Variants in DNAJC11 observed in about 807,000 individuals in gnomAD.
DNAJC11 encodes dnaJ homolog subfamily C member 11.
DNAJC11 carries 15 observed loss-of-function variants against 78.6 expected under a neutral mutation model. The ratio of observed to expected loss-of-function variants is 0.19; its 90% CI spans 0.13 to 0.29. The LOEUF (loss-of-function observed/expected upper bound fraction) is 0.29, where lower values mean the gene tolerates loss of function less well. DNAJC11 is among the 10% of genes least tolerant of loss of function. DNAJC11 has a pLI of 1.00. For synonymous variants in DNAJC11, 292 were observed against 272.1 expected, an observed-to-expected ratio of 1.07 and a Z score of -0.72; for missense variants, 547 against 709.6, an observed-to-expected ratio of 0.77 and a Z score of 2.60.
At chr1:6,690,345 A>AT (rs1436551575) in intron 1 of DNAJC11, among the ~76,000 whole-genome samples, 2 of 152,218 alleles carry the variant, frequency 1.3e-5, no homozygotes, top group African/African-American at 4.8e-5. Context: ...TATGTCAAGC[A>AT]TTTCCATGCA....
At chr1:6,690,194 C>T (rs1334754393) in intron 1 of DNAJC11, among the ~76,000 whole-genome samples, 5 of 151,976 alleles carry the variant, frequency 3.3e-5, no homozygotes, top group South Asian at 4.2e-4. Flanking sequence ...AAGGAAGAGG[C>T]GTTTACAATA....
rs1193361709 is a variant in DNAJC11 at position 6,637,573 on chromosome 1, C to T, written c.1324-69G>A. On this transcript the variant is annotated intron_variant, in intron 12 of 15. Transcript: ENST00000377577. ...TGTTCCACCTCTGGTGAGAGGGCCACAGGCAGGCAGTCTTGTCCACGTCAA... is the reference window on the plus strand; with the variant it reads ...TGTTCCACCTCTGGTGAGAGGGCCATAGGCAGGCAGTCTTGTCCACGTCAA... 3.8e-6 allele frequency: 6 copies of T among 1,560,324 alleles called. No individual in the cohort carries two copies. In the East Asian group the frequency reaches 1.3e-4, roughly 35 times the overall value.
At chr1:6,643,461 G>C (rs1194232476) in intron 10 of DNAJC11, among the ~76,000 whole-genome samples, 1 of 151,958 alleles carries the variant, frequency 6.6e-6, no homozygotes, top group African/African-American at 2.4e-5. Flanking sequence ...ATTTTTAGTA[G>C]AGACGGGGTT....
At chr1:6,679,958 A>G (rs1642528485) in intron 2 of DNAJC11, among the ~76,000 whole-genome samples, 1 of 152,244 alleles carries the variant, frequency 6.6e-6, no homozygotes, top group Non-Finnish European at 1.5e-5. Context: ...CCGACTGTAC[A>G]CATTTATCAC....
chr1:6,691,141 T>G lies in DNAJC11; in HGVS notation c.73-10104A>C, dbSNP rs1442714805. 5.4e-5 allele frequency among the ~76,000 whole-genome samples: 8 copies of G among 148,794 alleles called. No individual in the cohort carries two copies. In the South Asian group the frequency reaches 1.3e-3, roughly 24 times the overall value. Reference sequence around the variant, plus strand: ...AATACCTCCAAGATGGCAATATAAATTTGAAAAAAAGATTACACAATTAGT... The same window carrying G: ...AATACCTCCAAGATGGCAATATAAAGTTGAAAAAAAGATTACACAATTAGT... On this transcript the variant is annotated intron_variant, in intron 1 of 15. Transcript: ENST00000377577.
chr1:6,659,885 G>A (rs1159592558), intron 4 of DNAJC11, among the ~76,000 whole-genome samples: 1 of 151,750 alleles, frequency 6.6e-6, no homozygotes, highest in Non-Finnish European at 1.5e-5. Context: ...GTGAAACCCC[G>A]CCTCTACTAA....
intron 10 of DNAJC11, among the ~76,000 whole-genome samples, chr1:6,642,451 T>C (rs1641892472): frequency 6.6e-6 from 1 of 151,964 alleles, no homozygotes; most frequent in African/African-American, 2.4e-5. Flanking sequence ...GATTTTGAGA[T>C]ATGTATGATT....
intron 1 of DNAJC11, among the ~76,000 whole-genome samples, chr1:6,698,465 G>A (rs1480614155): frequency 6.6e-6 from 1 of 152,036 alleles, no homozygotes; most frequent in Non-Finnish European, 1.5e-5. Flanking sequence ...GGAATCCCGG[G>A]ATGGAAAACC....
intron 3 of DNAJC11, 113 bp downstream of exon 3, chr1:6,678,281 C>T: frequency 8.7e-7 from 1 of 1,145,346 alleles, no homozygotes; most frequent in Non-Finnish European, 1.3e-6. Flanking sequence ...GAAGGGGGCT[C>T]TAATGGTTTC....
chr1:6,691,522 G>GT (rs1642745905), intron 1 of DNAJC11, among the ~76,000 whole-genome samples: 1 of 152,182 alleles, frequency 6.6e-6, no homozygotes, highest in South Asian at 2.1e-4. Flanking sequence ...TATCTTCACA[G>GT]TAAGAAATCG....
Position 6,654,007 on chromosome 1 carries a change from GTCGGTGGCATCTACTCCAACGCTGA to G in DNAJC11, c.386_410del (p.Ile129ThrfsTer36), listed in dbSNP as rs759681068. ...ACTCCTCATCATAGCGATCAAAAAGGTCGGTGGCATCTACTCCAACGCTGATCGTTCCCTGGGGCAGAAAAACAAG... is the reference window on the plus strand; with the variant it reads ...ACTCCTCATCATAGCGATCAAAAAGGTCGTTCCCTGGGGCAGAAAAACAAG... On this transcript the variant is annotated frameshift_variant, in exon 5 of 16. Transcript: ENST00000377577. LOFTEE classifies it high-confidence loss of function. 1 of 1,613,524 alleles carries G rather than the reference GTCGGTGGCATCTACTCCAACGCTGA, an allele frequency of 6.2e-7. No individual in the cohort carries two copies. Among genetic ancestry groups the G allele is most frequent in the Non-Finnish European group, 8.5e-7 (1 of 1,179,554 alleles).
chr1:6,673,786 GCT>G, intron 3 of DNAJC11, among the ~76,000 whole-genome samples: 1 of 152,154 alleles, frequency 6.6e-6, no homozygotes, highest in East Asian at 1.9e-4. Flanking sequence ...AGTCTTCTCT[GCT>G]CTGTGACAGT....
At chr1:6,700,453 G>C (rs1642907749) in intron 1 of DNAJC11, among the ~76,000 whole-genome samples, 1 of 152,186 alleles carries the variant, frequency 6.6e-6, no homozygotes, top group Non-Finnish European at 1.5e-5. Context: ...TGTAGTCCAA[G>C]GACTGGTAAG....
intron 3 of DNAJC11, among the ~76,000 whole-genome samples, chr1:6,676,390 T>C (rs1642462497): frequency 6.6e-6 from 1 of 152,072 alleles, no homozygotes; most frequent in Non-Finnish European, 1.5e-5. Context: ...AATCAAAAAA[T>C]GGCAACAGGC....
chr1:6,637,688 G>A, intron 12 of DNAJC11, 184 bp from the exon 13 acceptor site: 3 of 658,108 alleles, frequency 4.6e-6, no homozygotes, highest in Non-Finnish European at 7.9e-6. Flanking sequence ...CTAGACCTAG[G>A]GCAGGCAGCT....
chr1:6,691,807 G>A (rs1642750355), intron 1 of DNAJC11, among the ~76,000 whole-genome samples: 1 of 152,340 alleles, frequency 6.6e-6, no homozygotes, highest in South Asian at 2.1e-4. Flanking sequence ...TCCTTCCAGG[G>A]ACTGCAATCT....
Position 6,644,934 on chromosome 1 carries a change from C to T in DNAJC11, c.980+107G>A, listed in dbSNP as rs980221513. ...TAGGAAGCTCTCCAAAAATGTCACA[C>T]ACACGTAGATATTCACACGAGCAAG... is the stretch of plus-strand genomic sequence containing the variant. On this transcript the variant is annotated intron_variant, in intron 9 of 15. Transcript: ENST00000377577. 5.5e-6 allele frequency: 6 copies of T among 1,091,292 alleles called. No individual in the cohort carries two copies. The Admixed American group carries it at 1.1e-4, about 19-fold the overall frequency. The allele number at this position is 1,091,292 out of a possible 1,614,324, so 67.6% of individuals were successfully genotyped here. A position where few individuals can be genotyped will look rare whatever the true frequency, so the allele number is the denominator to read the frequency against.
At chr1:6,641,506 A>G (rs1641878225) in intron 10 of DNAJC11, among the ~76,000 whole-genome samples, 1 of 151,810 alleles carries the variant, frequency 6.6e-6, no homozygotes, top group Non-Finnish European at 1.5e-5. Flanking sequence ...AAAGCTATAT[A>G]GTAACAGATA....
chr1:6,641,052 G>A (rs1382938182), intron 10 of DNAJC11, among the ~76,000 whole-genome samples: 1 of 151,926 alleles, frequency 6.6e-6, no homozygotes, highest in East Asian at 1.9e-4. Flanking sequence ...CAGAATAAAA[G>A]CTCTTCCAGA....
Sources: allele counts gnomAD v4.1 joint callset (sites outside exome capture counted in the v4.1 genomes callset), GRCh38; gene constraint gnomAD v4.1.1; transcripts MANE v1.5; gene names NCBI Gene and HGNC (gene_info 2026-07-23, HGNC 2026-07-21).